Variants in USP24 observed in about 807,000 individuals in gnomAD.
USP24 encodes the protein ubiquitin specific peptidase 24.
Under a neutral mutation model 361.6 loss-of-function variants are expected in USP24, and 97 were observed. That is an observed-to-expected ratio of 0.27 (90% CI 0.23 to 0.32). USP24 has a LOEUF of 0.32. Among genes scored for constraint, USP24 ranks in the 10% least tolerant of loss-of-function variants. USP24 has a pLI of 1.00. For synonymous variants in USP24, 1,098 were observed against 1,124.6 expected (o/e 0.98, Z 0.47); for missense variants, 2,353 against 3,165.6 (o/e 0.74, Z 6.16).
chr1:55,164,679 A>T (rs150543925), intron 7 of USP24, among the ~76,000 whole-genome samples: 1 of 152,070 alleles, frequency 6.6e-6, no homozygotes, highest in Non-Finnish European at 1.5e-5. Context: ...CCTTATGGAA[A>T]AATCTTGCAA....
At position 55,100,977 on chromosome 1, in the gene USP24, G is replaced by C. The variant is rs201130778; in HGVS notation, c.5146-13C>G. The C allele has an allele frequency of 5.0e-6, 8 of 1,606,142 alleles. No homozygotes were observed. Among genetic ancestry groups the C allele is most frequent in the Non-Finnish European group, 6.8e-6 (8 of 1,177,792 alleles). On this transcript the variant is annotated splice_polypyrimidine_tract_variant and intron_variant, in intron 43 of 67. Transcript: ENST00000294383. ...CTGAAAGTAATGACTGCACAGAAAA[G>C]AAACATATCAAGCTTGAAATATTTA...
chr1:55,119,734 T>C (rs1291319315), intron 38 of USP24, among the ~76,000 whole-genome samples: 1 of 152,076 alleles, frequency 6.6e-6, no homozygotes, highest in East Asian at 1.9e-4. Flanking sequence ...GCTTATTGTC[T>C]GTCATGTATG....
rs780083902 is a variant in USP24 at position 55,097,675 on chromosome 1, C to T, written c.5638G>A (p.Val1880Ile). 21 of 1,586,636 alleles carry T rather than the reference C, an allele frequency of 1.3e-5. No individual in the cohort carries two copies. Among genetic ancestry groups the T allele is most frequent in the East Asian group, 2.3e-5 (1 of 44,180 alleles). The change falls in exon 48 of 68, where the codon GTC becomes ATC. Residue 1880 changes from valine to isoleucine, a missense_variant. Val to Ile is a conservative substitution (Grantham distance 29, BLOSUM62 3). Coordinates refer to ENST00000294383, the MANE Select transcript of USP24 (RefSeq NM_015306.3). ...AATCTCATTAGGTGAATTACCAAGACGCTAGGTAAAGATTTAATACAGGTC... is the reference window on the plus strand; with the variant it reads ...AATCTCATTAGGTGAATTACCAAGATGCTAGGTAAAGATTTAATACAGGTC... ...KRTCIKSLPS[V>I]LVIHLMRFGF...
Position 55,110,245 on chromosome 1 carries a change from G to A in USP24, c.4510C>T (p.Leu1504=). Residue 1504 remains leucine (L), a splice_region_variant and synonymous_variant, in exon 39 of 68, where the codon CTG becomes TTG. Transcript: ENST00000294383. ...AAATACTCCATACACTGAGATAACA[G>A]TCTAAAAAACAGAAAGGTTTCAGTT... ...TSIMRGVNQR[L]LSQCMEYFDL... is the part of the protein sequence containing the mutation. The A allele has an allele frequency of 6.5e-7, 1 of 1,532,182 alleles. No homozygotes were observed. The highest frequency in any genetic ancestry group is 8.8e-7 in the Non-Finnish European group (1 of 1,138,222). 94.9% of individuals were successfully genotyped at this position (1,532,182 alleles called of 1,614,324 possible).
At chr1:55,177,047 C>T (rs955466772) in intron 2 of USP24, among the ~76,000 whole-genome samples, 7 of 151,160 alleles carry the variant, frequency 4.6e-5, no homozygotes, top group South Asian at 4.2e-4. Flanking sequence ...GACATGACTA[C>T]GCCATTGCAC....
intron 38 of USP24, among the ~76,000 whole-genome samples, chr1:55,119,087 C>T (rs1298827039): frequency 6.6e-6 from 1 of 152,134 alleles, no homozygotes. Context: ...CCCTAAAGAA[C>T]TGAAAACAGG....
At position 55,152,909 on chromosome 1, in the gene USP24, C is replaced by A. The variant is rs1647266488; in HGVS notation, c.1860+961G>T. Among the ~76,000 whole-genome samples the A allele has an allele frequency of 2.0e-5, 3 of 152,044 alleles. No homozygotes were observed. In the South Asian group the frequency reaches 6.2e-4, roughly 32 times the overall value. On this transcript the variant is annotated intron_variant, in intron 16 of 67. Transcript: ENST00000294383. ...CTGAGCTAAGAGTCTCTTAATATACCAATGAAAATTAGTTGGCAGTATCCA... is the reference window on the plus strand; with the variant it reads ...CTGAGCTAAGAGTCTCTTAATATACAAATGAAAATTAGTTGGCAGTATCCA...
intron 1 of USP24, among the ~76,000 whole-genome samples, chr1:55,206,072 C>T (rs1392409101): frequency 6.6e-6 from 1 of 152,124 alleles, no homozygotes; most frequent in Non-Finnish European, 1.5e-5. Flanking sequence ...GTACAGTCTC[C>T]CAAATCCTGG....
intron 1 of USP24, among the ~76,000 whole-genome samples, chr1:55,196,049 T>C (rs1263066291): frequency 6.6e-6 from 1 of 152,192 alleles, no homozygotes; most frequent in Admixed American, 6.5e-5. Context: ...AGTAAATGTC[T>C]ACCTTCTTCA....
At chr1:55,129,762 T>C (rs968439279) in intron 31 of USP24, among the ~76,000 whole-genome samples, 188 bp from the exon 32 acceptor site, 2 of 152,214 alleles carry the variant, frequency 1.3e-5, no homozygotes, top group African/African-American at 4.8e-5. Flanking sequence ...TCTATTTACT[T>C]TGGAAGAAAA....
chr1:55,110,017 A>C (rs1645904311), intron 39 of USP24, among the ~76,000 whole-genome samples, 168 bp downstream of exon 39: 1 of 152,234 alleles, frequency 6.6e-6, no homozygotes, highest in Admixed American at 6.5e-5. Context: ...AGAAGAGCTC[A>C]CTGGTACACA....
intron 59 of USP24, among the ~76,000 whole-genome samples, chr1:55,080,493 C>A (rs1645128018): frequency 6.6e-6 from 1 of 152,168 alleles, no homozygotes; most frequent in Non-Finnish European, 1.5e-5. Flanking sequence ...GTTACTAAAC[C>A]TTTCTGTGCC....
At chr1:55,095,453 C>T (rs1645475360) in intron 50 of USP24, 57 bp from the exon 51 acceptor site, 3 of 1,501,458 alleles carry the variant, frequency 2.0e-6, no homozygotes, top group Admixed American at 4.6e-5. Context: ...CTTGTCTTGA[C>T]AATCTAAAAC....
intron 1 of USP24, among the ~76,000 whole-genome samples, chr1:55,212,767 TG>T (rs1409085342): frequency 6.6e-6 from 1 of 152,196 alleles, no homozygotes; most frequent in African/African-American, 2.4e-5. Flanking sequence ...CAGCTCCTCT[TG>T]AACTCTTAAA....
chr1:55,156,700 A>G (rs1240744141), intron 12 of USP24, among the ~76,000 whole-genome samples: 1 of 152,184 alleles, frequency 6.6e-6, no homozygotes, highest in African/African-American at 2.4e-5. Context: ...TAACTGCTAT[A>G]TGACCTTCTC....
intron 1 of USP24, among the ~76,000 whole-genome samples, chr1:55,178,338 G>A (rs975785020): frequency 2.0e-5 from 3 of 151,856 alleles, no homozygotes; most frequent in African/African-American, 4.8e-5. Context: ...ATCTCTACTC[G>A]CTCGCTTAGA....
chr1:55,079,638 C>A lies in USP24; in HGVS notation c.7100G>T (p.Arg2367Leu), dbSNP rs778463727. 1.3e-6 allele frequency: 2 copies of A among 1,539,014 alleles called. No individual in the cohort carries two copies. Among genetic ancestry groups the A allele is most frequent in the South Asian group, 2.6e-5 (2 of 76,572 alleles). Residue 2367 changes from arginine to leucine, a missense_variant, in exon 60 of 68, where the codon CGA becomes CTA. By Grantham distance (102) the Arg-to-Leu change is moderately radical. This residue lies in a region of USP24 where 598 missense variants were observed against 761.9 expected (regional missense o/e 0.78). Transcript: ENST00000294383. The stretch of plus-strand genomic sequence containing the variant: ...TGAGGGAGCAATGCTAATGGGTGGT[C>A]GTTGCTTAAATATGCCAGGAGCTTT... ...RNVAPGIFKQ[R>L]PPISIAPSSP... is the part of the protein sequence containing the mutation.
Position 55,199,947 on chromosome 1 carries a change from G to C in USP24, c.324+14843C>G, listed in dbSNP as rs930209286. Among the ~76,000 whole-genome samples the C allele has an allele frequency of 8.5e-5, 13 of 152,234 alleles. 2 individuals carry two copies. In the South Asian group the frequency reaches 1.9e-3, roughly 22 times the overall value. ...GGAGCAAGTCACGTCTTACATGGAC[G>C]GCAGCAGGCAAAGAGAGAATGAGGA... On this transcript the variant is annotated intron_variant, in intron 1 of 67. Coordinates refer to ENST00000294383, the MANE Select transcript of USP24 (RefSeq NM_015306.3).
intron 1 of USP24, among the ~76,000 whole-genome samples, chr1:55,200,316 GA>G (rs377408645): frequency 2.0e-5 from 3 of 152,174 alleles, no homozygotes; most frequent in African/African-American, 7.2e-5. Context: ...AAGCTATATT[GA>G]AAAAGCAATC....
Sources: gnomAD v4.1 joint callset for allele counts (sites outside exome capture counted in the v4.1 genomes callset) on GRCh38, gnomAD v4.1.1 for gene constraint, gnomAD v4.1.1 regional missense constraint, MANE v1.5 for transcripts, NCBI Gene and HGNC (gene_info 2026-07-23, HGNC 2026-07-21) for gene names.